Variants in PPFIBP1 observed in about 807,000 individuals in gnomAD.
The protein encoded by PPFIBP1 is liprin-beta-1.
Under a neutral mutation model 137.8 loss-of-function variants are expected in PPFIBP1, and 112 were observed. The observed-to-expected ratio is 0.81, with a 90% CI of 0.70 to 0.95. The LOEUF (loss-of-function observed/expected upper bound fraction) is 0.95, where lower values mean the gene tolerates loss of function less well. PPFIBP1 is among the 40% of genes least tolerant of loss of function. The pLI, the probability that PPFIBP1 is intolerant of heterozygous loss-of-function variation, is 0.00. For synonymous variants in PPFIBP1, 378 were observed against 417.3 expected (o/e 0.91, Z 1.15); for missense variants, 1,083 against 1,196.6 (o/e 0.91, Z 1.40).
chr12:27,555,820 A>G (rs1209956344), intron 1 of PPFIBP1, among the ~76,000 whole-genome samples: 1 of 152,174 alleles, frequency 6.6e-6, no homozygotes. Context: ...TATGTTTATT[A>G]TTCTTTTAAG....
At chr12:27,678,339 C>T (rs1438835832) in intron 19 of PPFIBP1, among the ~76,000 whole-genome samples, 1 of 152,132 alleles carries the variant, frequency 6.6e-6, no homozygotes, top group Non-Finnish European at 1.5e-5. Flanking sequence ...TCAACAGGCA[C>T]TTACTTTATG....
chr12:27,586,320 G>T (rs1258035241), intron 2 of PPFIBP1, among the ~76,000 whole-genome samples: 1 of 152,192 alleles, frequency 6.6e-6, no homozygotes, highest in East Asian at 1.9e-4. Flanking sequence ...TTGCCAAGTG[G>T]TCAGTATATA....
intron 28 of PPFIBP1, 134 bp downstream of exon 28, chr12:27,692,062 T>C: frequency 1.4e-6 from 1 of 723,958 alleles, no homozygotes; most frequent in Admixed American, 3.0e-5. Flanking sequence ...AGTGAACACT[T>C]AGAGATCACT....
intron 2 of PPFIBP1, among the ~76,000 whole-genome samples, chr12:27,602,628 A>G (rs1293781168): frequency 1.3e-5 from 2 of 152,208 alleles, no homozygotes; most frequent in African/African-American, 4.8e-5. Context: ...TGAACACTGA[A>G]AAATCATTTG....
At chr12:27,669,752 G>A (rs559810562) in intron 13 of PPFIBP1, among the ~76,000 whole-genome samples, 7 of 152,226 alleles carry the variant, frequency 4.6e-5, no homozygotes, top group African/African-American at 1.2e-4. Flanking sequence ...ATAATAATTC[G>A]ACTTCACATT....
intron 2 of PPFIBP1, among the ~76,000 whole-genome samples, chr12:27,611,856 T>G (rs2055158739): frequency 6.6e-6 from 1 of 151,760 alleles, no homozygotes; most frequent in African/African-American, 2.4e-5. Flanking sequence ...AAATGTTAGG[T>G]AAATGAAAGC....
intron 4 of PPFIBP1, among the ~76,000 whole-genome samples, chr12:27,642,323 C>T (rs1443335515): frequency 3.9e-5 from 6 of 152,158 alleles, no homozygotes; most frequent in South Asian, 2.1e-4. Context: ...GGATTGAATG[C>T]GGTCAATAAG....
chr12:27,687,334 C>T (rs1302885937), intron 24 of PPFIBP1, 51 bp from the exon 25 acceptor site: 3 of 1,571,488 alleles, frequency 1.9e-6, no homozygotes, highest in African/African-American at 2.7e-5. Flanking sequence ...TAAGAAAGTC[C>T]TCCTGCTACA....
At chr12:27,691,535 A>G (rs1390967542) in intron 27 of PPFIBP1, among the ~76,000 whole-genome samples, 2 of 152,202 alleles carry the variant, frequency 1.3e-5, no homozygotes. Flanking sequence ...AACAAGGGTC[A>G]TTTATCATTG....
intron 1 of PPFIBP1, among the ~76,000 whole-genome samples, chr12:27,572,792 T>C (rs965502773): frequency 6.6e-6 from 1 of 152,186 alleles, no homozygotes; most frequent in Admixed American, 6.5e-5. Flanking sequence ...GCATAAGGCA[T>C]GAATCCCAAG....
rs528527069 is a variant in PPFIBP1, at chr12:27,666,310, G to C, written c.992-856G>C. ...TCCAATAAAGAGTTGTATAAACAGT[G>C]ATTTCTCACTAGGAGTTATATTTAG... On this transcript the variant is annotated intron_variant, in intron 12 of 29. Coordinates refer to ENST00000228425, the MANE Select transcript of PPFIBP1 (RefSeq NM_003622.4). Among the ~76,000 whole-genome samples the C allele has an allele frequency of 5.3e-5, 8 of 150,316 alleles. No individual in the cohort carries two copies. The South Asian group carries it at 1.5e-3, about 27-fold the overall frequency.
intron 2 of PPFIBP1, among the ~76,000 whole-genome samples, chr12:27,610,516 C>T (rs2054984225): frequency 6.6e-6 from 1 of 152,170 alleles, no homozygotes; most frequent in South Asian, 2.1e-4. Context: ...TGGAGAGGCA[C>T]AACATTTTTT....
At chr12:27,596,117 C>T (rs1377445466) in intron 2 of PPFIBP1, among the ~76,000 whole-genome samples, 2 of 145,184 alleles carry the variant, frequency 1.4e-5, no homozygotes, top group African/African-American at 5.1e-5. Flanking sequence ...CATATGCTTA[C>T]AAATGGCAAA....
intron 6 of PPFIBP1, among the ~76,000 whole-genome samples, chr12:27,648,455 C>T (rs2058679049): frequency 6.6e-6 from 1 of 152,112 alleles, no homozygotes; most frequent in Non-Finnish European, 1.5e-5. Flanking sequence ...CCTCAAAAAA[C>T]TGAAAATAGA....
intron 2 of PPFIBP1, among the ~76,000 whole-genome samples, chr12:27,587,500 G>A (rs7964275): frequency 0.27 from 40,129 of 150,794 alleles, 5,506 homozygotes; most frequent in Middle Eastern, 0.33. Context: ...GCGGGCGCCT[G>A]TAGTCCCAGC....
intron 7 of PPFIBP1, among the ~76,000 whole-genome samples, chr12:27,653,705 C>G (rs1433565360): frequency 2.0e-5 from 3 of 151,592 alleles, no homozygotes; most frequent in Non-Finnish European, 4.4e-5. Flanking sequence ...ATTTGAGTGT[C>G]TCTTTTGGAG....
intron 2 of PPFIBP1, among the ~76,000 whole-genome samples, chr12:27,579,617 C>G (rs1457024942): frequency 6.6e-6 from 1 of 152,166 alleles, no homozygotes; most frequent in Non-Finnish European, 1.5e-5. Context: ...TGCTCTAATG[C>G]TATTCAATTG....
chr12:27,590,949 A>C (rs772794842), intron 2 of PPFIBP1, among the ~76,000 whole-genome samples: 1 of 152,172 alleles, frequency 6.6e-6, no homozygotes, highest in Non-Finnish European at 1.5e-5. Context: ...AGCCTTTTAC[A>C]ACCAACCTCC....
intron 13 of PPFIBP1, among the ~76,000 whole-genome samples, chr12:27,670,683 T>G (rs892695405): frequency 1.3e-5 from 2 of 151,720 alleles, no homozygotes; most frequent in Admixed American, 6.6e-5. Context: ...TAGGGCTAAG[T>G]TGGGAGGATC....
Sources: allele counts gnomAD v4.1 joint callset (sites outside exome capture counted in the v4.1 genomes callset), GRCh38; gene constraint gnomAD v4.1.1; transcripts MANE v1.5; gene names NCBI Gene and HGNC (gene_info 2026-07-23, HGNC 2026-07-21).